Variants in NKAIN2 observed in about 807,000 individuals in gnomAD.
NKAIN2 encodes the protein sodium/potassium-transporting ATPase subunit beta-1-interacting protein 2.
A neutral mutation model predicts 32.6 loss-of-function variants in NKAIN2; 14 were observed. The observed-to-expected ratio is 0.43, with a 90% CI of 0.28 to 0.67. The LOEUF (loss-of-function observed/expected upper bound fraction) is 0.67. NKAIN2 is among the 30% of genes least tolerant of loss of function. The pLI is 0.17. For missense variants in NKAIN2, 198 were observed against 258.3 expected (o/e 0.77, Z 1.60); for synonymous variants, 80 against 87.2 (o/e 0.92, Z 0.46).
At chr6:124,225,062 A>G (rs1196106976) in intron 1 of NKAIN2, among the ~76,000 whole-genome samples, 2 of 152,020 alleles carry the variant, frequency 1.3e-5, no homozygotes, top group African/African-American at 2.4e-5. Context: ...TCATTCTTTC[A>G]TTCTAGAGAT....
At chr6:124,242,791 G>A (rs1793174099) in intron 1 of NKAIN2, among the ~76,000 whole-genome samples, 2 of 148,050 alleles carry the variant, frequency 1.4e-5, no homozygotes, top group African/African-American at 5.0e-5. Flanking sequence ...CACAGGAACA[G>A]AAAACTAAAC....
At chr6:124,649,601 G>A (rs745899482) in intron 3 of NKAIN2, among the ~76,000 whole-genome samples, 15 of 152,026 alleles carry the variant, frequency 9.9e-5, no homozygotes, top group African/African-American at 2.4e-4. Context: ...CACTAACTTC[G>A]TAACACAGTC....
At chr6:124,307,956 C>T (rs934315660) in intron 2 of NKAIN2, among the ~76,000 whole-genome samples, 3 of 151,996 alleles carry the variant, frequency 2.0e-5, no homozygotes, top group African/African-American at 7.2e-5. Flanking sequence ...CAACTAATTC[C>T]CCATAACTTT....
chr6:124,215,680 A>G (rs1309891191), intron 1 of NKAIN2, among the ~76,000 whole-genome samples: 1 of 152,208 alleles, frequency 6.6e-6, no homozygotes, highest in East Asian at 1.9e-4. Context: ...TAAGAGTGTG[A>G]TAAAGGTGCC....
chr6:124,489,518 A>G (rs1777778985), intron 3 of NKAIN2, among the ~76,000 whole-genome samples: 1 of 151,898 alleles, frequency 6.6e-6, no homozygotes, highest in South Asian at 2.1e-4. Context: ...AGCTTAGCCC[A>G]GCCTACCTTA....
intron 1 of NKAIN2, among the ~76,000 whole-genome samples, chr6:124,097,305 G>A (rs776605987): frequency 7.9e-5 from 12 of 151,412 alleles, no homozygotes; most frequent in Non-Finnish European, 1.5e-4. Context: ...GAGGCTGAAT[G>A]AAGCGGGAGA....
intron 4 of NKAIN2, among the ~76,000 whole-genome samples, chr6:124,773,361 G>T (rs1778847205): frequency 6.6e-6 from 1 of 152,100 alleles, no homozygotes; most frequent in Non-Finnish European, 1.5e-5. Flanking sequence ...GCCTTTTTAA[G>T]ATTTGCATTT....
intron 3 of NKAIN2, among the ~76,000 whole-genome samples, chr6:124,562,871 A>G (rs1338113160): frequency 1.3e-5 from 2 of 151,930 alleles, no homozygotes; most frequent in South Asian, 2.1e-4. Flanking sequence ...AGAAAACAGG[A>G]AAAGGAAAAT....
chr6:123,849,972 T>G (rs1486532366), intron 1 of NKAIN2, among the ~76,000 whole-genome samples: 2 of 142,132 alleles, frequency 1.4e-5, no homozygotes, highest in African/African-American at 2.8e-5. Flanking sequence ...GTTTGTTTGT[T>G]TTTTTTTTAA....
intron 1 of NKAIN2, among the ~76,000 whole-genome samples, chr6:124,098,183 T>A (rs1379336679): frequency 1.3e-5 from 2 of 152,224 alleles, no homozygotes; most frequent in Non-Finnish European, 2.9e-5. Context: ...CTACTCTGGT[T>A]AATTATTTTC....
chr6:124,572,925 C>T (rs867734534), intron 3 of NKAIN2, among the ~76,000 whole-genome samples: 18 of 152,068 alleles, frequency 1.2e-4, no homozygotes, highest in Admixed American at 2.0e-4. Flanking sequence ...CTGCGTCCTC[C>T]GCCTCCCCAG....
At chr6:123,818,615 T>G (rs2114881735) in intron 1 of NKAIN2, among the ~76,000 whole-genome samples, 1 of 152,310 alleles carries the variant, frequency 6.6e-6, no homozygotes, top group African/African-American at 2.4e-5. Context: ...TCCAATTTGA[T>G]TTCCTTCGGT....
At chr6:124,615,384 A>C (rs1782848118) in intron 3 of NKAIN2, among the ~76,000 whole-genome samples, 1 of 152,246 alleles carries the variant, frequency 6.6e-6, no homozygotes, top group African/African-American at 2.4e-5. Context: ...ACTAACAAGC[A>C]AATTTAAAAA....
chr6:124,077,366 T>G (rs1001450468), intron 1 of NKAIN2, among the ~76,000 whole-genome samples: 1 of 152,226 alleles, frequency 6.6e-6, no homozygotes, highest in Admixed American at 6.6e-5. Flanking sequence ...AATAATTTGC[T>G]CTGTATGAGC....
At chr6:124,162,159 G>A (rs186606957) in intron 1 of NKAIN2, among the ~76,000 whole-genome samples, 239 of 152,156 alleles carry the variant, frequency 1.6e-3, no homozygotes, top group African/African-American at 5.6e-3. Context: ...TTAAGCATCA[G>A]TGCCCTTGGT....
chr6:124,403,651 G>A (rs1239669425), intron 3 of NKAIN2, among the ~76,000 whole-genome samples: 2 of 152,170 alleles, frequency 1.3e-5, no homozygotes, highest in Non-Finnish European at 2.9e-5. Context: ...TAAAATTAGA[G>A]TGAACAAGTC....
intron 1 of NKAIN2, among the ~76,000 whole-genome samples, chr6:123,966,305 A>C (rs766810073): frequency 6.6e-6 from 1 of 152,064 alleles, no homozygotes; most frequent in Non-Finnish European, 1.5e-5. Context: ...TCCCTCCTGC[A>C]TTTACTCAAT....
At chr6:124,208,994 T>A (rs957195853) in intron 1 of NKAIN2, among the ~76,000 whole-genome samples, 8 of 151,730 alleles carry the variant, frequency 5.3e-5, no homozygotes, top group African/African-American at 1.9e-4. Flanking sequence ...CTTTTAATTA[T>A]TTTAAAATAT....
At chr6:124,817,369 T>A (rs187381382) in intron 5 of NKAIN2, among the ~76,000 whole-genome samples, 1 of 152,264 alleles carries the variant, frequency 6.6e-6, no homozygotes, top group East Asian at 1.9e-4. Context: ...TGAAAGGTAT[T>A]TTATTTCCCA....
Sources: gnomAD v4.1 joint callset for allele counts (sites outside exome capture counted in the v4.1 genomes callset) on GRCh38, gnomAD v4.1.1 for gene constraint, MANE v1.5 for transcripts, NCBI Gene and HGNC (gene_info 2026-07-23, HGNC 2026-07-21) for gene names.